Variants in RNF175 observed in about 807,000 individuals in gnomAD.
The protein encoded by RNF175 is ring finger protein 175.
A neutral mutation model predicts 50.0 loss-of-function variants in RNF175; 38 were observed. That is an observed-to-expected ratio of 0.76 (90% confidence interval 0.59 to 1.00). RNF175 has a LOEUF of 1.00. Among genes scored for constraint, RNF175 ranks in the 50% least tolerant of loss-of-function variants. The probability of loss-of-function intolerance (pLI) is 0.00; values close to 1 mark genes in which losing one functional copy is unlikely to be tolerated. For synonymous variants in RNF175, 155 were observed against 146.1 expected (o/e 1.06, Z -0.44); for missense variants, 388 against 409.6 (o/e 0.95, Z 0.46).
intron 1 of RNF175, among the ~76,000 whole-genome samples, chr4:153,757,165 C>T (rs1270811325): frequency 1.3e-5 from 2 of 152,172 alleles, no homozygotes; most frequent in Non-Finnish European, 2.9e-5. Context: ...CCCTTGGATC[C>T]CACTTACTCC....
At chr4:153,721,914 G>T (rs190088114) in intron 5 of RNF175, among the ~76,000 whole-genome samples, 1 of 152,088 alleles carries the variant, frequency 6.6e-6, no homozygotes, top group East Asian at 1.9e-4. Flanking sequence ...ACTTTCTACC[G>T]CTTTCCTGCT....
intron 6 of RNF175, among the ~76,000 whole-genome samples, chr4:153,716,137 T>A (rs1355713147): frequency 6.6e-6 from 1 of 151,366 alleles, no homozygotes; most frequent in Non-Finnish European, 1.5e-5. Flanking sequence ...CCGTTTCCTG[T>A]AAGAAGAATG....
At chr4:153,744,765 A>C (rs747900527) in intron 3 of RNF175, among the ~76,000 whole-genome samples, 13 of 152,194 alleles carry the variant, frequency 8.5e-5, no homozygotes, top group Non-Finnish European at 1.8e-4. Flanking sequence ...TGAGTGAAGA[A>C]CTAGTGAGGT....
intron 8 of RNF175, among the ~76,000 whole-genome samples, chr4:153,710,989 T>C (rs187916135): frequency 6.6e-6 from 1 of 152,284 alleles, no homozygotes; most frequent in Non-Finnish European, 1.5e-5. Flanking sequence ...CGACAACAAT[T>C]TTACAAACAA....
chr4:153,740,496 A>G (rs1287595585), intron 3 of RNF175, among the ~76,000 whole-genome samples: 1 of 152,150 alleles, frequency 6.6e-6, no homozygotes, highest in African/African-American at 2.4e-5. Flanking sequence ...TGGGACATTC[A>G]ATACGTTTAT....
intron 3 of RNF175, among the ~76,000 whole-genome samples, chr4:153,747,213 A>G (rs1210635632): frequency 6.6e-6 from 1 of 152,224 alleles, no homozygotes; most frequent in East Asian, 1.9e-4. Flanking sequence ...TCAAAGGGTC[A>G]CTTGGCTGTA....
At chr4:153,723,168 G>T in intron 5 of RNF175, 183 bp downstream of exon 5, 1 of 382,970 alleles carries the variant, frequency 2.6e-6, no homozygotes. Context: ...TTATTTTGTA[G>T]GGTGCTTCTT....
chr4:153,757,250 T>C (rs1195235942), intron 1 of RNF175, among the ~76,000 whole-genome samples: 1 of 152,170 alleles, frequency 6.6e-6, no homozygotes, highest in South Asian at 2.1e-4. Flanking sequence ...GCATTGTTGA[T>C]GACTTATTTA....
At chr4:153,733,350 A>G (rs897472034) in intron 3 of RNF175, among the ~76,000 whole-genome samples, 2 of 152,212 alleles carry the variant, frequency 1.3e-5, no homozygotes, top group Non-Finnish European at 2.9e-5. Context: ...ACATATTACT[A>G]TAAGTGCACT....
intron 3 of RNF175, among the ~76,000 whole-genome samples, chr4:153,743,377 A>C (rs945544802): frequency 6.6e-6 from 1 of 152,146 alleles, no homozygotes; most frequent in African/African-American, 2.4e-5. Flanking sequence ...CTCAATAGAG[A>C]CATGCAGGGG....
intron 1 of RNF175, among the ~76,000 whole-genome samples, chr4:153,753,662 A>G (rs1336086763): frequency 6.6e-6 from 1 of 150,760 alleles, no homozygotes; most frequent in Non-Finnish European, 1.5e-5. Context: ...GGTTCAAGCG[A>G]TTCTCCTGCC....
intron 3 of RNF175, among the ~76,000 whole-genome samples, chr4:153,732,192 A>C (rs1296528495): frequency 6.6e-6 from 1 of 152,028 alleles, no homozygotes; most frequent in Non-Finnish European, 1.5e-5. Flanking sequence ...ACATCCTGCC[A>C]CTGTACTACA....
chr4:153,742,612 C>G (rs549047233), intron 3 of RNF175, among the ~76,000 whole-genome samples: 1 of 152,192 alleles, frequency 6.6e-6, no homozygotes, highest in South Asian at 2.1e-4. Flanking sequence ...GATATGAGAG[C>G]AAATAACTAG....
At chr4:153,740,972 G>T (rs1739625089) in intron 3 of RNF175, among the ~76,000 whole-genome samples, 1 of 152,128 alleles carries the variant, frequency 6.6e-6, no homozygotes. Flanking sequence ...GTTGTCTTTG[G>T]GTTTCCCTAA....
At chr4:153,714,885 A>G (rs1306111428) in intron 7 of RNF175, 1 of 159,118 alleles carries the variant, frequency 6.3e-6, no homozygotes, top group Admixed American at 5.9e-5. Flanking sequence ...TTGGGATAGA[A>G]CCCATTGGTG....
Position 153,728,331 on chromosome 4 carries a change from G to C in RNF175, c.277C>G (p.Pro93Ala). 6.2e-7 allele frequency: 1 copy of C among 1,613,662 alleles called. No individual in the cohort carries two copies. Among genetic ancestry groups the C allele is most frequent in the Non-Finnish European group, 8.5e-7 (1 of 1,179,704 alleles). ...TATAATTTTATCGTGAAATATAAGGGGACAACCCACATCTGCAACAAGGTC... is the reference window on the plus strand; with the variant it reads ...TATAATTTTATCGTGAAATATAAGGCGACAACCCACATCTGCAACAAGGTC... ...LVTLLQMWVV[P>A]LYFTIKLYWW... The change falls in exon 4 of 9, where the codon CCC becomes GCC. Residue 93 changes from proline to alanine, a missense_variant. Coordinates refer to ENST00000347063, the MANE Select transcript of RNF175 (RefSeq NM_173662.4).
chr4:153,712,337 C>A, intron 8 of RNF175, 138 bp downstream of exon 8: 1 of 610,812 alleles, frequency 1.6e-6, no homozygotes, highest in South Asian at 2.0e-5. Context: ...GACCATAAGT[C>A]ATTTTGAAAT....
At chr4:153,756,360 G>A (rs1449622730) in intron 1 of RNF175, among the ~76,000 whole-genome samples, 1 of 152,106 alleles carries the variant, frequency 6.6e-6, no homozygotes, top group East Asian at 1.9e-4. Context: ...GAATTAACCT[G>A]CCCTAAAGTG....
rs530394360 is a variant in RNF175 at position 153,715,580 on chromosome 4, A to G, written c.713T>C (p.Leu238Pro). The change falls in exon 7 of 9, where the codon CTT (leucine) becomes CCT (proline). Residue 238 changes from leucine to proline, a missense_variant. Transcript: ENST00000347063. Reference sequence around the variant, plus strand: ...GTTTTCAATGAGCCCTTCTTCATCAAGCTCCACAATGATCTTCTGCCCACA... The same window carrying G: ...GTTTTCAATGAGCCCTTCTTCATCAGGCTCCACAATGATCTTCTGCCCACA... ...AVCGQKIIVE[L>P]DEEGLIENTY... is the part of the protein sequence containing the mutation. The G allele has an allele frequency of 6.2e-7, 1 of 1,613,332 alleles. No individual in the cohort carries two copies. The highest frequency in any genetic ancestry group is 1.3e-5 in the African/African-American group (1 of 75,044).
Sources: allele counts gnomAD v4.1 joint callset (sites outside exome capture counted in the v4.1 genomes callset), GRCh38; gene constraint gnomAD v4.1.1; transcripts MANE v1.5; gene names NCBI Gene and HGNC (gene_info 2026-07-23, HGNC 2026-07-21).